Variants in CSMD1 observed in about 807,000 individuals in gnomAD.
CSMD1 encodes the protein CUB and sushi domain-containing protein 1.
In CSMD1, 213 loss-of-function variants were observed where a neutral mutation model predicts 417.5. The ratio of observed to expected loss-of-function variants is 0.51; its 90% CI spans 0.46 to 0.57. CSMD1 has a LOEUF of 0.57. CSMD1 is among the 20% of genes least tolerant of loss of function. CSMD1 has a pLI of 0.00. For synonymous variants in CSMD1, 2,862 were observed against 1,736.8 expected, an observed-to-expected ratio of 1.65 and a Z score of -16.11; for missense variants, 6,923 against 4,529.7, an observed-to-expected ratio of 1.53 and a Z score of -15.17.
intron 37 of CSMD1, among the ~76,000 whole-genome samples, chr8:3,174,149 C>T (rs905425672): frequency 2.0e-5 from 3 of 152,194 alleles, no homozygotes; most frequent in Non-Finnish European, 4.4e-5. Flanking sequence ...GCACAGCGAA[C>T]TGCAGAAATT....
intron 22 of CSMD1, 23 bp downstream of exon 22, chr8:3,347,969 A>G (rs370434383): frequency 5.3e-6 from 8 of 1,523,664 alleles, no homozygotes; most frequent in Non-Finnish European, 7.0e-6. Flanking sequence ...TGGAGTCATC[A>G]TGTTGGAGAA....
At chr8:4,261,913 T>C (rs762195851) in intron 3 of CSMD1, among the ~76,000 whole-genome samples, 4 of 152,152 alleles carry the variant, frequency 2.6e-5, no homozygotes, top group Non-Finnish European at 5.9e-5. Context: ...AATCCAAATA[T>C]AAATAAATGC....
intron 3 of CSMD1, among the ~76,000 whole-genome samples, chr8:4,178,511 A>G (rs1280982741): frequency 3.3e-5 from 5 of 151,150 alleles, no homozygotes; most frequent in African/African-American, 1.2e-4. Context: ...TTCCCTTTGA[A>G]AACTGGCACA....
At chr8:3,911,836 C>T (rs1036170110) in intron 5 of CSMD1, among the ~76,000 whole-genome samples, 1 of 152,130 alleles carries the variant, frequency 6.6e-6, no homozygotes, top group African/African-American at 2.4e-5. Flanking sequence ...TCTTAGACTG[C>T]CACAAACAAA....
intron 1 of CSMD1, among the ~76,000 whole-genome samples, chr8:4,773,529 G>A (rs1180105781): frequency 1.3e-5 from 2 of 152,100 alleles, no homozygotes; most frequent in African/African-American, 2.4e-5. Context: ...CAGTTTTTAT[G>A]ATTCAGTTGA....
chr8:3,913,631 G>T (rs1056782820), intron 5 of CSMD1, among the ~76,000 whole-genome samples: 1 of 152,134 alleles, frequency 6.6e-6, no homozygotes, highest in Non-Finnish European at 1.5e-5. Flanking sequence ...GGAAGTGGTG[G>T]AGTCATCCAG....
intron 2 of CSMD1, among the ~76,000 whole-genome samples, chr8:4,444,497 T>A (rs1798666864): frequency 6.6e-6 from 1 of 151,718 alleles, no homozygotes; most frequent in African/African-American, 2.4e-5. Flanking sequence ...AATTAGGATA[T>A]ATTTTGACAG....
Position 3,196,463 on chromosome 8 carries a change from T to C in CSMD1, c.5194+3251A>G, listed in dbSNP as rs556861289. On this transcript the variant is annotated intron_variant, in intron 33 of 69. Transcript: ENST00000635120. ...TACTCTATGGACTCGCCCCAAATTCTTTCTTGCGCGAGATCCAAGAACCTC... is the reference window on the plus strand; with the variant it reads ...TACTCTATGGACTCGCCCCAAATTCCTTCTTGCGCGAGATCCAAGAACCTC... Among the ~76,000 whole-genome samples, 286 of 152,310 alleles carry C rather than the reference T, an allele frequency of 1.9e-3. 2 individuals carry two copies. Among genetic ancestry groups the C allele is most frequent in the African/African-American group, 6.5e-3 (270 of 41,580 alleles).
intron 2 of CSMD1, among the ~76,000 whole-genome samples, chr8:4,611,767 G>A (rs571359260): frequency 6.6e-6 from 1 of 152,140 alleles, no homozygotes; most frequent in Non-Finnish European, 1.5e-5. Context: ...TCAAAATGTA[G>A]CAAAATTACT....
chr8:4,646,151 T>G (rs1803502817), intron 1 of CSMD1, among the ~76,000 whole-genome samples: 1 of 152,234 alleles, frequency 6.6e-6, no homozygotes, highest in Admixed American at 6.5e-5. Flanking sequence ...CAATGCTACT[T>G]TTCTTATAGA....
intron 5 of CSMD1, among the ~76,000 whole-genome samples, chr8:3,839,932 G>A (rs759137316): frequency 1.3e-5 from 2 of 152,008 alleles, no homozygotes; most frequent in African/African-American, 2.4e-5. Context: ...GAGATGCAGT[G>A]ATCTTCTGCT....
intron 26 of CSMD1, among the ~76,000 whole-genome samples, chr8:3,247,048 T>G (rs192827580): frequency 6.6e-6 from 1 of 152,180 alleles, no homozygotes; most frequent in Middle Eastern, 3.2e-3. Context: ...TTGGTGTAAG[T>G]GAAGATCTAA....
intron 1 of CSMD1, among the ~76,000 whole-genome samples, chr8:4,760,970 T>C (rs1812002800): frequency 6.6e-6 from 1 of 152,176 alleles, no homozygotes; most frequent in Non-Finnish European, 1.5e-5. Context: ...AAAGTTGCAT[T>C]ATTAGCTTCC....
intron 41 of CSMD1, among the ~76,000 whole-genome samples, chr8:3,121,294 C>A (rs1217513841): frequency 4.6e-5 from 7 of 152,160 alleles, no homozygotes; most frequent in Non-Finnish European, 1.5e-5. Context: ...CTTTCAGCAT[C>A]CCTTGGTTTT....
chr8:3,549,976 A>C (rs1474720779), intron 10 of CSMD1, among the ~76,000 whole-genome samples: 1 of 152,222 alleles, frequency 6.6e-6, no homozygotes, highest in Non-Finnish European at 1.5e-5. Flanking sequence ...TCTAGACATA[A>C]AGAGTTAATA....
At chr8:3,991,000 T>G (rs1344976260) in intron 5 of CSMD1, among the ~76,000 whole-genome samples, 8 of 152,162 alleles carry the variant, frequency 5.3e-5, no homozygotes, top group African/African-American at 1.2e-4. Context: ...AAAACACACC[T>G]GACAAAAACC....
intron 5 of CSMD1, among the ~76,000 whole-genome samples, chr8:3,804,906 C>T (rs1476853140): frequency 1.3e-5 from 2 of 152,134 alleles, no homozygotes; most frequent in Non-Finnish European, 2.9e-5. Context: ...AAAATGACTA[C>T]TTTAGAGTTT....
chr8:3,724,207 T>TA (rs59790171), intron 6 of CSMD1, among the ~76,000 whole-genome samples: 10,540 of 149,336 alleles, frequency 0.071, 988 homozygotes, highest in African/African-American at 0.21. Flanking sequence ...TTTTTTTTTT[T>TA]ATTATTATAC....
chr8:4,893,328 A>T (rs1260353354), intron 1 of CSMD1, among the ~76,000 whole-genome samples: 1 of 151,676 alleles, frequency 6.6e-6, no homozygotes, highest in Non-Finnish European at 1.5e-5. Flanking sequence ...CCATTATTTT[A>T]TGTTGTTTAG....
Sources: gnomAD v4.1 joint callset for allele counts (sites outside exome capture counted in the v4.1 genomes callset) on GRCh38, gnomAD v4.1.1 for gene constraint, MANE v1.5 for transcripts, NCBI Gene and HGNC (gene_info 2026-07-23, HGNC 2026-07-21) for gene names.